Variants in CHST8 observed in about 807,000 individuals in gnomAD.
The protein encoded by CHST8 is carbohydrate sulfotransferase 8.
CHST8 carries 10 observed loss-of-function variants against 15.0 expected under a neutral mutation model. The ratio of observed to expected loss-of-function variants is 0.67; its 90% CI spans 0.41 to 1.13. The LOEUF (loss-of-function observed/expected upper bound fraction) is 1.13, where lower values mean the gene tolerates loss of function less well. Ranked by LOEUF, CHST8 falls within the 50% of genes most tolerant of loss-of-function variation. The pLI is 0.00. For synonymous variants in CHST8, 259 were observed against 256.6 expected, an observed-to-expected ratio of 1.01 and a Z score of -0.09; for missense variants, 634 against 608.2, an observed-to-expected ratio of 1.04 and a Z score of -0.45.
intron 3 of CHST8, among the ~76,000 whole-genome samples, chr19:33,708,317 C>T (rs75113286): frequency 0.029 from 4,381 of 152,164 alleles, 151 homozygotes; most frequent in African/African-American, 0.081. Flanking sequence ...CTAATCTTAG[C>T]CATAAAGATT....
At chr19:33,750,849 GCTCGGTCC>G (rs1974403741) in intron 3 of CHST8, among the ~76,000 whole-genome samples, 2 of 151,850 alleles carry the variant, frequency 1.3e-5, no homozygotes, top group African/African-American at 4.8e-5. Context: ...GCCTCTCCAG[GCTCGGTCC>G]AGGCTCACCA....
intron 1 of CHST8, among the ~76,000 whole-genome samples, chr19:33,648,484 A>G (rs1259312601): frequency 6.6e-6 from 1 of 152,044 alleles, no homozygotes; most frequent in Non-Finnish European, 1.5e-5. Flanking sequence ...GAATCCTACA[A>G]TGCGTGGTCT....
At chr19:33,677,403 AAGAAACCAG>A (rs1255330330) in intron 2 of CHST8, among the ~76,000 whole-genome samples, 1 of 152,222 alleles carries the variant, frequency 6.6e-6, no homozygotes, top group Non-Finnish European at 1.5e-5. Context: ...GGCTTAGGGA[AAGAAACCAG>A]AGAAACCAGA....
chr19:33,661,683 C>T (rs529097886), intron 1 of CHST8, among the ~76,000 whole-genome samples: 20 of 152,288 alleles, frequency 1.3e-4, no homozygotes, highest in African/African-American at 4.8e-4. Context: ...CCTGAATGGG[C>T]AGAGGAGCTG....
At chr19:33,747,664 G>T (rs1974340078) in intron 3 of CHST8, among the ~76,000 whole-genome samples, 1 of 152,162 alleles carries the variant, frequency 6.6e-6, no homozygotes, top group African/African-American at 2.4e-5. Context: ...CTGTCCAAGA[G>T]GGGCAAAGAG....
chr19:33,698,275 A>C (rs1215309793), intron 3 of CHST8, among the ~76,000 whole-genome samples: 1 of 151,844 alleles, frequency 6.6e-6, no homozygotes, highest in Non-Finnish European at 1.5e-5. Flanking sequence ...CGCCAACTAC[A>C]ATCCTTTATC....
chr19:33,741,363 G>A (rs1974189530), intron 3 of CHST8, among the ~76,000 whole-genome samples: 2 of 152,220 alleles, frequency 1.3e-5, no homozygotes, highest in South Asian at 4.1e-4. Context: ...TTATGACAAA[G>A]AAGAGTTAAA....
chr19:33,717,797 A>G (rs1973689152), intron 3 of CHST8, among the ~76,000 whole-genome samples: 1 of 152,146 alleles, frequency 6.6e-6, no homozygotes, highest in Non-Finnish European at 1.5e-5. Context: ...CCTGTTTTTC[A>G]GGGTGTCATA....
chr19:33,638,510 C>T (rs1265814989), intron 1 of CHST8, among the ~76,000 whole-genome samples: 1 of 152,204 alleles, frequency 6.6e-6, no homozygotes, highest in Non-Finnish European at 1.5e-5. Flanking sequence ...GGGACTCCCT[C>T]ATTGCCACCT....
At chr19:33,759,926 GC>G (rs1974682283) in intron 3 of CHST8, among the ~76,000 whole-genome samples, 1 of 152,116 alleles carries the variant, frequency 6.6e-6, no homozygotes, top group South Asian at 2.1e-4. Flanking sequence ...AGCAAACACT[GC>G]AAACCAGGCT....
At chr19:33,665,305 A>G (rs1568319759) in intron 1 of CHST8, among the ~76,000 whole-genome samples, 1 of 152,222 alleles carries the variant, frequency 6.6e-6, no homozygotes, top group Non-Finnish European at 1.5e-5. Flanking sequence ...TTTAGGCCAG[A>G]GGTCAGCAGA....
intron 3 of CHST8, among the ~76,000 whole-genome samples, chr19:33,765,561 G>GTGTGTGTGTGTGTGTC (rs1280901510): frequency 6.5e-5 from 9 of 138,184 alleles, no homozygotes; most frequent in Non-Finnish European, 1.4e-4. Context: ...GTGTCAGAGA[G>GTGTGTGTGTGTGTGTC]AGAGAGAGAG....
chr19:33,661,612 C>T (rs1159564319), intron 1 of CHST8, among the ~76,000 whole-genome samples: 1 of 152,234 alleles, frequency 6.6e-6, no homozygotes, highest in Non-Finnish European at 1.5e-5. Context: ...CCACATTCTG[C>T]CCTGCAGGCT....
intron 2 of CHST8, among the ~76,000 whole-genome samples, chr19:33,672,761 G>A (rs1972757840): frequency 6.6e-6 from 1 of 152,208 alleles, no homozygotes; most frequent in Non-Finnish European, 1.5e-5. Flanking sequence ...CCGAGAGCAG[G>A]ACGCTTGGCG....
intron 3 of CHST8, among the ~76,000 whole-genome samples, chr19:33,761,660 A>C (rs1568361018): frequency 6.6e-6 from 1 of 151,306 alleles, no homozygotes; most frequent in African/African-American, 2.4e-5. Context: ...ATAGTATAAA[A>C]ATATGTATAT....
chr19:33,756,030 G>A (rs914900171), intron 3 of CHST8, among the ~76,000 whole-genome samples: 3 of 152,126 alleles, frequency 2.0e-5, no homozygotes, highest in Admixed American at 1.3e-4. Flanking sequence ...GGCAAACACC[G>A]GCTTCCAGTT....
chr19:33,738,035 G>A (rs551568438), intron 3 of CHST8, among the ~76,000 whole-genome samples: 1 of 152,180 alleles, frequency 6.6e-6, no homozygotes, highest in South Asian at 2.1e-4. Flanking sequence ...AGAACATCTT[G>A]ACATTTAAAT....
At chr19:33,635,901 G>A (rs1413552671) in intron 1 of CHST8, among the ~76,000 whole-genome samples, 1 of 152,054 alleles carries the variant, frequency 6.6e-6, no homozygotes, top group Non-Finnish European at 1.5e-5. Flanking sequence ...GCCAACTACC[G>A]TTTGCTTTAA....
At chr19:33,626,109 A>G (rs1382172652) in intron 1 of CHST8, among the ~76,000 whole-genome samples, 1 of 152,198 alleles carries the variant, frequency 6.6e-6, no homozygotes, top group African/African-American at 2.4e-5. Context: ...CTCAGGTGCC[A>G]GAGGATGCGG....
Sources: gnomAD v4.1 joint callset for allele counts (sites outside exome capture counted in the v4.1 genomes callset) on GRCh38, gnomAD v4.1.1 for gene constraint, MANE v1.5 for transcripts, NCBI Gene and HGNC (gene_info 2026-07-23, HGNC 2026-07-21) for gene names.